The following TRABD2B variants were observed in gnomAD, a reference collection of about 807,000 sequenced individuals.
TRABD2B encodes the protein TraB domain containing 2B.
A neutral mutation model predicts 40.1 loss-of-function variants in TRABD2B; 14 were observed. That is an observed-to-expected ratio of 0.35 (90% CI 0.23 to 0.55). The LOEUF (loss-of-function observed/expected upper bound fraction) is 0.55, where lower values mean the gene tolerates loss of function less well. TRABD2B is among the 20% of genes least tolerant of loss of function. The pLI is 0.90. For missense variants in TRABD2B, 541 were observed against 648.6 expected, an observed-to-expected ratio of 0.83 and a Z score of 1.80; for synonymous variants, 263 against 277.0, an observed-to-expected ratio of 0.95 and a Z score of 0.50.
chr1:47,989,749 AAC>A (rs141660023), intron 2 of TRABD2B, among the ~76,000 whole-genome samples: 7,855 of 148,774 alleles, frequency 0.053, 243 homozygotes, highest in Admixed American at 0.1. Flanking sequence ...CCACCATTCC[AAC>A]ACACACACAC....
At chr1:47,881,228 T>A (rs1301919911) in intron 2 of TRABD2B, among the ~76,000 whole-genome samples, 2 of 152,132 alleles carry the variant, frequency 1.3e-5, no homozygotes, top group African/African-American at 4.8e-5. Flanking sequence ...CAGGCCTACA[T>A]GAGGCAGGTC....
chr1:47,856,611 T>C (rs550596716), intron 2 of TRABD2B, among the ~76,000 whole-genome samples: 140 of 152,334 alleles, frequency 9.2e-4, no homozygotes, highest in Non-Finnish European at 1.8e-3. Context: ...CCAGTCATGA[T>C]GTCCTGATGG....
At chr1:47,830,998 A>G (rs1380570343) in intron 2 of TRABD2B, among the ~76,000 whole-genome samples, 1 of 152,176 alleles carries the variant, frequency 6.6e-6, no homozygotes, top group Non-Finnish European at 1.5e-5. Context: ...GAAAGGTGAA[A>G]GCGACCAGAG....
chr1:47,885,339 T>C (rs7554854), intron 2 of TRABD2B, among the ~76,000 whole-genome samples: 4,704 of 152,256 alleles, frequency 0.031, 253 homozygotes, highest in African/African-American at 0.11. Flanking sequence ...TCTCAGTGCC[T>C]CCACTCTTAC....
intron 2 of TRABD2B, among the ~76,000 whole-genome samples, chr1:47,923,905 C>A (rs1346252834): frequency 1.4e-5 from 1 of 70,560 alleles, no homozygotes; most frequent in African/African-American, 5.2e-5. Context: ...TCTCTACACA[C>A]ATACACACAT....
intron 2 of TRABD2B, among the ~76,000 whole-genome samples, chr1:47,962,595 G>A (rs1645537185): frequency 6.6e-6 from 1 of 152,116 alleles, no homozygotes; most frequent in Admixed American, 6.5e-5. Context: ...CACGTGCCAG[G>A]CACTGCTCTA....
chr1:47,944,864 AGGG>A (rs1645239125), intron 2 of TRABD2B, among the ~76,000 whole-genome samples: 2 of 152,198 alleles, frequency 1.3e-5, no homozygotes. Context: ...ACTTCCCGGG[AGGG>A]AACATCTCAG....
intron 2 of TRABD2B, among the ~76,000 whole-genome samples, chr1:47,924,133 C>A (rs937764829): frequency 2.0e-5 from 3 of 152,020 alleles, no homozygotes; most frequent in Non-Finnish European, 4.4e-5. Flanking sequence ...TTTCACTCTG[C>A]CACGGAATAC....
At chr1:47,889,346 C>T (rs1004669178) in intron 2 of TRABD2B, among the ~76,000 whole-genome samples, 6 of 152,188 alleles carry the variant, frequency 3.9e-5, no homozygotes, top group Admixed American at 1.3e-4. Context: ...TCTTATTTGT[C>T]AATTGAAACA....
chr1:47,935,186 A>T (rs1339033835), intron 2 of TRABD2B, among the ~76,000 whole-genome samples: 2 of 152,182 alleles, frequency 1.3e-5, no homozygotes, highest in Non-Finnish European at 2.9e-5. Flanking sequence ...CCTCTTTGCC[A>T]GGCACCATGT....
At chr1:47,884,471 C>T (rs1336374327) in intron 2 of TRABD2B, among the ~76,000 whole-genome samples, 1 of 152,152 alleles carries the variant, frequency 6.6e-6, no homozygotes, top group Non-Finnish European at 1.5e-5. Flanking sequence ...ATGGTAACTC[C>T]TTACAACCTA....
intron 2 of TRABD2B, among the ~76,000 whole-genome samples, chr1:47,891,684 C>T (rs549689937): frequency 6.6e-6 from 1 of 151,990 alleles, no homozygotes; most frequent in Non-Finnish European, 1.5e-5. Context: ...CGCTTGTAGT[C>T]CCAGCAACTT....
chr1:47,806,473 G>GT (rs1189197132), intron 2 of TRABD2B, among the ~76,000 whole-genome samples: 2 of 152,240 alleles, frequency 1.3e-5, no homozygotes, highest in Non-Finnish European at 2.9e-5. Context: ...CATAGCCTCG[G>GT]TGGCCCACTC....
chr1:47,777,217 C>G (rs1394239360), intron 5 of TRABD2B, among the ~76,000 whole-genome samples: 1 of 152,140 alleles, frequency 6.6e-6, no homozygotes, highest in Non-Finnish European at 1.5e-5. Context: ...GGGGTGAGGG[C>G]TGGGGTGAGG....
intron 2 of TRABD2B, among the ~76,000 whole-genome samples, chr1:47,821,277 A>C (rs1235267866): frequency 6.6e-6 from 1 of 152,156 alleles, no homozygotes; most frequent in Admixed American, 6.5e-5. Flanking sequence ...ACAGAGAAAC[A>C]TATTAGCAGT....
At chr1:47,882,071 C>T (rs918120112) in intron 2 of TRABD2B, among the ~76,000 whole-genome samples, 7 of 152,244 alleles carry the variant, frequency 4.6e-5, no homozygotes, top group Non-Finnish European at 4.4e-5. Flanking sequence ...ATCCAACAGA[C>T]GCCCCGCTCT....
At chr1:47,903,005 G>A (rs547275634) in intron 2 of TRABD2B, among the ~76,000 whole-genome samples, 18 of 152,228 alleles carry the variant, frequency 1.2e-4, no homozygotes, top group Admixed American at 1.1e-3. Flanking sequence ...TGCCTGGAAA[G>A]TCATTCCCCT....
chr1:47,895,995 G>C (rs904123055), intron 2 of TRABD2B, among the ~76,000 whole-genome samples: 1 of 152,246 alleles, frequency 6.6e-6, no homozygotes. Flanking sequence ...TCCAGCAATG[G>C]CTGCCGGGGG....
At chr1:47,942,302 A>G (rs1176513047) in intron 2 of TRABD2B, among the ~76,000 whole-genome samples, 1 of 152,194 alleles carries the variant, frequency 6.6e-6, no homozygotes, top group Non-Finnish European at 1.5e-5. Context: ...GGCAGTTCCT[A>G]GGCTCATTGG....
Sources: gnomAD v4.1 joint callset for allele counts (sites outside exome capture counted in the v4.1 genomes callset) on GRCh38, gnomAD v4.1.1 for gene constraint, MANE v1.5 for transcripts, NCBI Gene and HGNC (gene_info 2026-07-23, HGNC 2026-07-21) for gene names.